Variants in DENND1B observed in about 807,000 individuals in gnomAD.
The protein encoded by DENND1B is DENN domain containing 1B.
DENND1B carries 59 observed loss-of-function variants against 90.1 expected under a neutral mutation model. The observed-to-expected ratio is 0.65, with a 90% confidence interval of 0.53 to 0.81. The LOEUF (loss-of-function observed/expected upper bound fraction) is 0.81, where lower values mean the gene tolerates loss of function less well. Among genes scored for constraint, DENND1B ranks in the 40% least tolerant of loss-of-function variants. DENND1B has a pLI of 0.00. For synonymous variants in DENND1B, 337 were observed against 324.6 expected, an observed-to-expected ratio of 1.04 and a Z score of -0.41; for missense variants, 862 against 912.6, an observed-to-expected ratio of 0.94 and a Z score of 0.71.
intron 2 of DENND1B, chr1:197,734,405 C>T (rs2102332398): frequency 1.0e-6 from 1 of 984,986 alleles, no homozygotes; most frequent in Non-Finnish European, 1.2e-6. Context: ...GGGACTGCTG[C>T]AGTTTATGAA....
chr1:197,595,211 T>C lies in DENND1B; in HGVS notation c.1044A>G (p.Lys348=). 2 of 1,610,172 alleles carry C rather than the reference T, an allele frequency of 1.2e-6. No individual in the cohort carries two copies. The highest frequency in any genetic ancestry group is 1.7e-6 in the Non-Finnish European group (2 of 1,178,340). ...FGSYRDALRY[K]PGEPITFCEE... ...AGTGATGAAACAAAACGCTTACAGG[T>C]TTGTATCTCAGTGCATCTCTGTAGG... is the stretch of plus-strand genomic sequence containing the variant. Residue 348 remains lysine, a synonymous_variant, in exon 14 of 23, where the codon AAA becomes AAG. Transcript: ENST00000620048.
In DENND1B at chr1:197,687,727, C is replaced by G. The variant is rs147598238; in HGVS notation, c.127-13558G>C. On this transcript the variant is annotated intron_variant, in intron 3 of 22. Transcript: ENST00000620048. ...TAACATTAGACTTAATAGTGAAAAA[C>G]TGGAAGTCTTTCCTTAAGATCAGAA... Among the ~76,000 whole-genome samples the G allele has an allele frequency of 2.6e-5, 4 of 152,088 alleles. No homozygotes were observed. In the East Asian group the frequency reaches 7.7e-4, roughly 29 times the overall value.
intron 15 of DENND1B, among the ~76,000 whole-genome samples, chr1:197,567,770 T>A (rs984109254): frequency 1.3e-5 from 2 of 152,094 alleles, no homozygotes; most frequent in Non-Finnish European, 2.9e-5. Flanking sequence ...ACACTCATGA[T>A]GAAAACACTT....
chr1:197,720,181 A>T (rs903178888), intron 2 of DENND1B, among the ~76,000 whole-genome samples: 2 of 152,178 alleles, frequency 1.3e-5, no homozygotes, highest in Non-Finnish European at 2.9e-5. Context: ...TAATTTAATA[A>T]TTATGGTTAA....
At chr1:197,707,985 A>G (rs1053413115) in intron 3 of DENND1B, among the ~76,000 whole-genome samples, 2 of 152,028 alleles carry the variant, frequency 1.3e-5, no homozygotes, top group African/African-American at 2.4e-5. Context: ...CCGGAAAATC[A>G]GGTCACTCCC....
chr1:197,770,777 A>AATATATATAAATATATATATCTATAAAT lies in DENND1B; in HGVS notation c.82+2090_82+2091insATTTATAGATATATATATTTATATATAT, dbSNP rs1419686658. Among the ~76,000 whole-genome samples, 155 of 136,734 alleles carry AATATATATAAATATATATATCTATAAAT rather than the reference A, an allele frequency of 1.1e-3. 2 individuals carry two copies. Among genetic ancestry groups the AATATATATAAATATATATATCTATAAAT allele is most frequent in the African/African-American group, 4.1e-3 (147 of 35,970 alleles). The allele number at this position is 136,734 out of a possible 152,430, so 89.7% of individuals were successfully genotyped here. ...AAATATATATAAATATATATCTATA[A>AATATATATAAATATATATATCTATAAAT]ATATATAAATATATATCTATAAATA... On this transcript the variant is annotated intron_variant, in intron 2 of 22. Transcript: ENST00000620048.
chr1:197,528,104 T>G (rs533685058), intron 20 of DENND1B, among the ~76,000 whole-genome samples: 133 of 152,308 alleles, frequency 8.7e-4, no homozygotes, highest in African/African-American at 3.1e-3. Context: ...CATCCCATCT[T>G]TTCTTATGCT....
Position 197,753,728 on chromosome 1 carries a change from C to T in DENND1B, c.82+19140G>A, listed in dbSNP as rs187594015. ...TAAAAATAAAGTCGATGGCCACGCG[C>T]GGTGGCTCACGCCTATAATCCCAAC... On this transcript the variant is annotated intron_variant, in intron 2 of 22. Transcript: ENST00000620048. Among the ~76,000 whole-genome samples, 878 of 152,148 alleles carry T rather than the reference C, an allele frequency of 5.8e-3. 7 individuals carry two copies. The highest frequency in any genetic ancestry group is 8.9e-3 in the Non-Finnish European group (605 of 68,018).
chr1:197,511,076 A>G (rs1667997028), intron 22 of DENND1B, 104 bp from the exon 23 acceptor site: 1 of 1,175,128 alleles, frequency 8.5e-7, no homozygotes, highest in Non-Finnish European at 1.1e-6. Flanking sequence ...AGTTCCTCCC[A>G]GAGAAAATAC....
At chr1:197,778,089 A>G (rs1657343939), upstream of DENND1B, among the ~76,000 whole-genome samples, 2 of 152,156 alleles carry the variant, frequency 1.3e-5, no homozygotes, top group Admixed American at 1.3e-4. Flanking sequence ...GCTGTGTAAT[A>G]ATATACACAT....
intron 18 of DENND1B, among the ~76,000 whole-genome samples, chr1:197,545,030 G>GGAGAAGGAGAAGGAGAAC (rs1435217660): frequency 6.8e-6 from 1 of 147,452 alleles, no homozygotes; most frequent in Non-Finnish European, 1.5e-5. Flanking sequence ...GAAAGAAGGA[G>GGAGAAGGAGAAGGAGAAC]GAGAAGGAGA....
intron 20 of DENND1B, among the ~76,000 whole-genome samples, chr1:197,526,011 G>C (rs1283583914): frequency 6.6e-6 from 1 of 152,086 alleles, no homozygotes; most frequent in African/African-American, 2.4e-5. Context: ...TTTGTAATTA[G>C]TATAGGCGCA....
chr1:197,663,830 G>A lies in DENND1B; in HGVS notation c.297-5461C>T, dbSNP rs187718882. Among the ~76,000 whole-genome samples the A allele has an allele frequency of 3.9e-3, 600 of 152,122 alleles. 6 individuals carry two copies. The highest frequency in any genetic ancestry group is 0.014 in the African/African-American group (563 of 41,504). ...TTGAATTCACAACTCCTGATAAGAA[G>A]CAACTGCTCAACAGGAAATCCTACC... On this transcript the variant is annotated intron_variant, in intron 5 of 22. Transcript: ENST00000620048.
chr1:197,621,048 C>T (rs1678111298), intron 10 of DENND1B, among the ~76,000 whole-genome samples: 4 of 150,996 alleles, frequency 2.6e-5, no homozygotes, highest in Admixed American at 2.0e-4. Context: ...TTCAGAAGTC[C>T]CAGGTGAGAA....
At chr1:197,520,408 G>T (rs115635994) in intron 20 of DENND1B, among the ~76,000 whole-genome samples, 32 of 151,992 alleles carry the variant, frequency 2.1e-4, no homozygotes, top group African/African-American at 7.5e-4. Flanking sequence ...GATCATAGAT[G>T]AAAATCTTAC....
At chr1:197,549,342 C>G (rs1671048544) in intron 16 of DENND1B, among the ~76,000 whole-genome samples, 2 of 152,034 alleles carry the variant, frequency 1.3e-5, no homozygotes, top group South Asian at 4.1e-4. Context: ...CCTACCACGT[C>G]TTCAAATTCC....
intron 3 of DENND1B, among the ~76,000 whole-genome samples, chr1:197,674,925 C>T (rs116218730): frequency 0.033 from 5,069 of 152,032 alleles, 291 homozygotes; most frequent in African/African-American, 0.11. Context: ...AAAATAATTT[C>T]AAAATCTTTT....
intron 14 of DENND1B, among the ~76,000 whole-genome samples, 163 bp from the exon 15 acceptor site, chr1:197,583,416 CTAA>C (rs1412333912): frequency 1.3e-5 from 2 of 152,156 alleles, no homozygotes; most frequent in Non-Finnish European, 2.9e-5. Context: ...TATTCCTCTA[CTAA>C]TAAGCCTGTA....
chr1:197,548,019 T>C (rs957347967), intron 16 of DENND1B, among the ~76,000 whole-genome samples: 2 of 152,190 alleles, frequency 1.3e-5, no homozygotes, highest in African/African-American at 4.8e-5. Flanking sequence ...AAAATGAATG[T>C]AAGAAAGTGG....
Sources: gnomAD v4.1 joint callset for allele counts (sites outside exome capture counted in the v4.1 genomes callset) on GRCh38, gnomAD v4.1.1 for gene constraint, MANE v1.5 for transcripts, NCBI Gene and HGNC (gene_info 2026-07-23, HGNC 2026-07-21) for gene names.